The following RASGRF2 variants were observed in gnomAD, a reference collection of about 807,000 sequenced individuals.
RASGRF2 encodes ras-specific guanine nucleotide-releasing factor 2.
Under a neutral mutation model 151.0 loss-of-function variants are expected in RASGRF2, and 76 were observed. That is an observed-to-expected ratio of 0.50 (90% CI 0.42 to 0.61). The LOEUF (loss-of-function observed/expected upper bound fraction) is 0.61, where lower values mean the gene tolerates loss of function less well. Ranked by LOEUF, RASGRF2 falls within the 20% of genes least tolerant of loss-of-function variation. The probability of loss-of-function intolerance (pLI) is 0.00; values close to 1 mark genes in which losing one functional copy is unlikely to be tolerated. For missense variants in RASGRF2, 1,148 were observed against 1,564.6 expected, an observed-to-expected ratio of 0.73 and a Z score of 4.49; for synonymous variants, 504 against 566.5, an observed-to-expected ratio of 0.89 and a Z score of 1.57.
intron 2 of RASGRF2, among the ~76,000 whole-genome samples, chr5:81,056,411 G>A (rs1372507536): frequency 2.6e-5 from 4 of 152,194 alleles, no homozygotes; most frequent in Non-Finnish European, 5.9e-5. Flanking sequence ...GGAGCAGGTT[G>A]TTCAGTTTCC....
chr5:81,052,015 T>C (rs1290939786), intron 2 of RASGRF2, among the ~76,000 whole-genome samples: 2 of 152,330 alleles, frequency 1.3e-5, no homozygotes, highest in East Asian at 3.9e-4. Flanking sequence ...AGAGTCTTTA[T>C]ACGTTCTCAT....
intron 1 of RASGRF2, among the ~76,000 whole-genome samples, chr5:80,987,876 A>G (rs1748521716): frequency 6.6e-6 from 1 of 151,992 alleles, no homozygotes; most frequent in Non-Finnish European, 1.5e-5. Context: ...TTTCTAATCC[A>G]AGCATTATTT....
chr5:81,076,930 A>G (rs1196143581), intron 5 of RASGRF2, among the ~76,000 whole-genome samples: 2 of 152,232 alleles, frequency 1.3e-5, no homozygotes, highest in Non-Finnish European at 2.9e-5. Context: ...GCATGGATGC[A>G]GGTGCAGAGT....
chr5:81,052,175 CA>C (rs1751032439), intron 2 of RASGRF2, among the ~76,000 whole-genome samples: 1 of 152,252 alleles, frequency 6.6e-6, no homozygotes, highest in Admixed American at 6.5e-5. Context: ...AGGAAAGAAT[CA>C]TTAATGTCTA....
At chr5:81,084,858 G>T (rs1752184205) in intron 7 of RASGRF2, among the ~76,000 whole-genome samples, 1 of 152,206 alleles carries the variant, frequency 6.6e-6, no homozygotes, top group South Asian at 2.1e-4. Context: ...AGAAAAGACA[G>T]TTAGTGCACT....
chr5:81,221,710 C>T (rs1755860584), intron 26 of RASGRF2, among the ~76,000 whole-genome samples: 1 of 152,106 alleles, frequency 6.6e-6, no homozygotes, highest in Admixed American at 6.5e-5. Flanking sequence ...GGCGCCTTGG[C>T]TCACAGCTGT....
intron 1 of RASGRF2, among the ~76,000 whole-genome samples, chr5:80,979,077 G>A (rs1431142621): frequency 3.3e-5 from 5 of 152,138 alleles, no homozygotes; most frequent in African/African-American, 1.2e-4. Context: ...TGCAGGGTCG[G>A]TGGAGCACAT....
chr5:81,069,774 T>C (rs919111266), intron 3 of RASGRF2, among the ~76,000 whole-genome samples: 1 of 152,212 alleles, frequency 6.6e-6, no homozygotes, highest in East Asian at 1.9e-4. Context: ...TTTAAGGTAT[T>C]GCTGGCTAGT....
intron 6 of RASGRF2, 148 bp from the exon 7 acceptor site, chr5:81,080,448 T>C: frequency 2.9e-6 from 3 of 1,042,680 alleles, no homozygotes; most frequent in Non-Finnish European, 4.2e-6. Flanking sequence ...CATGAGTGCA[T>C]TCTACCAGAT....
Position 81,212,372 on chromosome 5 carries a change from A to G in RASGRF2, c.3163A>G (p.Asn1055Asp), listed in dbSNP as rs1755646494. 1.9e-6 allele frequency: 3 copies of G among 1,600,286 alleles called. No homozygotes were observed. Among genetic ancestry groups the G allele is most frequent in the Non-Finnish European group, 1.7e-6 (2 of 1,170,178 alleles). Residue 1055 changes from asparagine to aspartate, a missense_variant, in exon 23 of 27, where the codon AAC (asparagine) becomes GAC (aspartate). Transcript: ENST00000265080. ...KTSQHFNDMS[N>D]LVASQIMNYA... ...GGCTTTTTGATTGTCTCAGATGAGTAACCTGGTGGCCTCCCAGATAATGAA... is the reference window on the plus strand; with the variant it reads ...GGCTTTTTGATTGTCTCAGATGAGTGACCTGGTGGCCTCCCAGATAATGAA...
chr5:81,031,763 T>C (rs1750258849), intron 1 of RASGRF2, among the ~76,000 whole-genome samples: 1 of 152,002 alleles, frequency 6.6e-6, no homozygotes, highest in East Asian at 1.9e-4. Context: ...AGCAAACACA[T>C]TGAAAAGCCA....
At chr5:81,128,185 C>G (rs1326508030) in intron 17 of RASGRF2, among the ~76,000 whole-genome samples, 1 of 151,902 alleles carries the variant, frequency 6.6e-6, no homozygotes, top group African/African-American at 2.4e-5. Flanking sequence ...GGTTCAGTTG[C>G]ACAGGAAGAA....
chr5:81,023,248 A>T (rs563218205), intron 1 of RASGRF2, among the ~76,000 whole-genome samples: 1 of 152,194 alleles, frequency 6.6e-6, no homozygotes. Context: ...AAAGAAGAGG[A>T]ACTTATTGTC....
At chr5:81,111,961 C>T (rs556085502) in intron 13 of RASGRF2, among the ~76,000 whole-genome samples, 5 of 152,272 alleles carry the variant, frequency 3.3e-5, no homozygotes, top group African/African-American at 1.2e-4. Flanking sequence ...TGATATTTTG[C>T]TTTAAGGGCA....
intron 1 of RASGRF2, among the ~76,000 whole-genome samples, chr5:81,032,807 C>T (rs1037949608): frequency 1.2e-4 from 18 of 152,058 alleles, no homozygotes; most frequent in East Asian, 7.7e-4. Flanking sequence ...GGCAATCAGG[C>T]AGGAGAAAGA....
At chr5:81,099,507 G>A (rs563129629) in intron 12 of RASGRF2, among the ~76,000 whole-genome samples, 2 of 152,232 alleles carry the variant, frequency 1.3e-5, no homozygotes, top group East Asian at 3.9e-4. Context: ...TATAAGGCTG[G>A]TGTAAAAAGC....
intron 1 of RASGRF2, among the ~76,000 whole-genome samples, chr5:81,039,664 A>C (rs1272040554): frequency 6.6e-6 from 1 of 152,226 alleles, no homozygotes; most frequent in African/African-American, 2.4e-5. Flanking sequence ...CTTTATACAT[A>C]AAAGTAATAC....
chr5:81,027,952 C>T (rs1010597408), intron 1 of RASGRF2, among the ~76,000 whole-genome samples: 1 of 152,084 alleles, frequency 6.6e-6, no homozygotes, highest in African/African-American at 2.4e-5. Context: ...GTTGAGAAAT[C>T]AGTGAAAATA....
intron 2 of RASGRF2, among the ~76,000 whole-genome samples, chr5:81,056,160 CT>C (rs1751203763): frequency 6.6e-6 from 1 of 151,838 alleles, no homozygotes; most frequent in Non-Finnish European, 1.5e-5. Context: ...TATTTTTTGC[CT>C]TCTGCTGGCT....
Sources: gnomAD v4.1 joint callset for allele counts (sites outside exome capture counted in the v4.1 genomes callset) on GRCh38, gnomAD v4.1.1 for gene constraint, MANE v1.5 for transcripts, NCBI Gene and HGNC (gene_info 2026-07-23, HGNC 2026-07-21) for gene names.